ZMAT5: variants seen among roughly 807,000 people sequenced by gnomAD.
The protein encoded by ZMAT5 is zinc finger matrin-type protein 5.
Under a neutral mutation model 28.0 loss-of-function variants are expected in ZMAT5, and 23 were observed. The observed-to-expected ratio is 0.82, with a 90% CI of 0.59 to 1.16. ZMAT5 has a LOEUF of 1.16. ZMAT5 is among the 50% of genes most tolerant of loss of function. The probability of loss-of-function intolerance (pLI) is 0.00; values close to 1 mark genes in which losing one functional copy is unlikely to be tolerated. For synonymous variants in ZMAT5, 76 were observed against 84.1 expected (o/e 0.90, Z 0.52); for missense variants, 173 against 212.7 (o/e 0.81, Z 1.16).
At chr22:29,735,533 G>A (rs966595838) in intron 5 of ZMAT5, among the ~76,000 whole-genome samples, 1 of 152,254 alleles carries the variant, frequency 6.6e-6, no homozygotes, top group Non-Finnish European at 1.5e-5. Flanking sequence ...CAGCCACACA[G>A]AGCCTTGGGC....
chr22:29,748,473 G>A lies in ZMAT5; in HGVS notation c.72C>T (p.His24=), dbSNP rs987954814. 3.1e-6 allele frequency: 5 copies of A among 1,614,154 alleles called. No homozygotes were observed. The African/African-American group carries it at 4.0e-5, about 13-fold the overall frequency. The change falls in exon 2 of 6, where the codon CAC becomes CAT. Residue 24 remains histidine, a synonymous_variant. Coordinates refer to ENST00000344318, the MANE Select transcript of ZMAT5 (RefSeq NM_001003692.2). ...CCTTGAGGTGCTGCAGCCCGTTCAG[G>A]TGCTTCTTGCGGTTGTGGAGGTTGT... ...FQDNLHNRKK[H]LNGLQHLKAK... is the part of the protein sequence containing the mutation.
At chr22:29,733,623 T>C (rs1377667414) in intron 5 of ZMAT5, among the ~76,000 whole-genome samples, 1 of 152,204 alleles carries the variant, frequency 6.6e-6, no homozygotes, top group Non-Finnish European at 1.5e-5. Context: ...GGCTCCGCAG[T>C]TGCTGGAAGG....
At chr22:29,734,959 G>A (rs985295568) in intron 5 of ZMAT5, among the ~76,000 whole-genome samples, 3 of 152,178 alleles carry the variant, frequency 2.0e-5, no homozygotes, top group African/African-American at 7.2e-5. Flanking sequence ...GGGAAGGTGG[G>A]AGACCAGGGA....
chr22:29,733,239 C>G (rs2147213415), intron 5 of ZMAT5, among the ~76,000 whole-genome samples: 1 of 152,364 alleles, frequency 6.6e-6, no homozygotes, highest in African/African-American at 2.4e-5. Context: ...AGGTGAGGCC[C>G]TGGCAGCTCC....
chr22:29,753,547 G>C (rs1312513891), intron 1 of ZMAT5, among the ~76,000 whole-genome samples: 1 of 151,380 alleles, frequency 6.6e-6, no homozygotes, highest in Non-Finnish European at 1.5e-5. Flanking sequence ...AAAATTGCCG[G>C]GTGTGGTGGC....
intron 3 of ZMAT5, among the ~76,000 whole-genome samples, chr22:29,742,065 ACT>A (rs1016239597): frequency 5.9e-5 from 9 of 152,232 alleles, no homozygotes; most frequent in African/African-American, 1.9e-4. Context: ...CAACCCTGTT[ACT>A]CTCTGAAGTT....
intron 2 of ZMAT5, among the ~76,000 whole-genome samples, chr22:29,745,923 G>A (rs903349277): frequency 7.2e-5 from 11 of 152,300 alleles, no homozygotes; most frequent in African/African-American, 1.9e-4. Context: ...CTTGGTCCTC[G>A]GTAGCTGGGG....
rs1179553495 is a variant in ZMAT5, at chr22:29,731,183, T to C, written c.*42A>G. 2 of 1,452,588 alleles carry C rather than the reference T, an allele frequency of 1.4e-6. No homozygotes were observed. Among genetic ancestry groups the C allele is most frequent in the Non-Finnish European group, 1.8e-6 (2 of 1,108,642 alleles). 90.0% of individuals were successfully genotyped at this position (1,452,588 alleles called of 1,614,324 possible). On this transcript the variant is annotated 3_prime_UTR_variant, in exon 6 of 6. Transcript: ENST00000344318. ...GGGCTTGGCTTCCTATTGTGACTGATGAGAAAAGTGACCACGTGGGGGTCA... is the reference window on the plus strand; with the variant it reads ...GGGCTTGGCTTCCTATTGTGACTGACGAGAAAAGTGACCACGTGGGGGTCA...
intron 5 of ZMAT5, among the ~76,000 whole-genome samples, chr22:29,735,298 C>T (rs1013757246): frequency 1.3e-5 from 2 of 152,192 alleles, no homozygotes; most frequent in African/African-American, 4.8e-5. Flanking sequence ...GACAGGCCTG[C>T]TCTGCCTAGA....
At chr22:29,734,932 T>G (rs1320829579) in intron 5 of ZMAT5, among the ~76,000 whole-genome samples, 1 of 151,620 alleles carries the variant, frequency 6.6e-6, no homozygotes, top group Admixed American at 6.6e-5. Context: ...GTGTGGAGGA[T>G]CCCCCGCGGG....
At chr22:29,738,883 T>C (rs2067934058) in intron 4 of ZMAT5, among the ~76,000 whole-genome samples, 1 of 152,016 alleles carries the variant, frequency 6.6e-6, no homozygotes, top group Admixed American at 6.5e-5. Flanking sequence ...TGGTGGTGGG[T>C]GCCTGTAATC....
chr22:29,764,432 TG>T (rs1755106155), intron 1 of ZMAT5, among the ~76,000 whole-genome samples: 1 of 152,206 alleles, frequency 6.6e-6, no homozygotes, highest in South Asian at 2.1e-4. Flanking sequence ...TCTTTACAGA[TG>T]AATTAAAAGA....
At chr22:29,742,757 C>T (rs1050649753) in intron 2 of ZMAT5, among the ~76,000 whole-genome samples, 2 of 152,078 alleles carry the variant, frequency 1.3e-5, no homozygotes, top group South Asian at 2.1e-4. Flanking sequence ...CAACTTGGCA[C>T]GAGGGAGTCA....
At chr22:29,754,076 G>A (rs1162560989) in intron 1 of ZMAT5, among the ~76,000 whole-genome samples, 1 of 152,038 alleles carries the variant, frequency 6.6e-6, no homozygotes, top group Admixed American at 6.6e-5. Flanking sequence ...CTGCACCACC[G>A]TACTTGGCAG....
rs1257875200 is a variant in ZMAT5, at chr22:29,766,959, G to C, written c.-115C>G. 5.1e-5 allele frequency: 8 copies of C among 157,490 alleles called. No homozygotes were observed. In the South Asian group the frequency reaches 9.6e-4, roughly 19 times the overall value. The allele number at this position is 157,490 out of a possible 1,614,324, so 9.8% of individuals were successfully genotyped here. On this transcript the variant is annotated 5_prime_UTR_variant, in exon 1 of 6. Transcript: ENST00000344318. ...TCTCGCGGAAGGTACCTGGCTCCCC[G>C]GTGGCTGCAGCTCCGGGCTCCTCCT...
At chr22:29,762,423 G>A (rs1024058787) in intron 1 of ZMAT5, among the ~76,000 whole-genome samples, 61 of 152,364 alleles carry the variant, frequency 4.0e-4, no homozygotes, top group African/African-American at 1.4e-3. Flanking sequence ...TGGCAGGTGA[G>A]TAAGCGAAGC....
intron 1 of ZMAT5, 23 bp from the exon 2 acceptor site, chr22:29,748,594 G>A (rs1435990456): frequency 6.2e-7 from 1 of 1,611,740 alleles, no homozygotes; most frequent in Admixed American, 1.7e-5. Flanking sequence ...AAAGAGCTCA[G>A]ATTAGACCAT....
rs566698225 is a variant in ZMAT5 at position 29,764,088 on chromosome 22, G to A, written c.-28+2784C>T. On this transcript the variant is annotated intron_variant, in intron 1 of 5. Coordinates refer to ENST00000344318, the MANE Select transcript of ZMAT5 (RefSeq NM_001003692.2). ...AAGGAACTATGATTATTACAACCAG[G>A]AATTATGTGCCACTGTACTCCAGCC... Among the ~76,000 whole-genome samples, 7 of 151,724 alleles carry A rather than the reference G, an allele frequency of 4.6e-5. No homozygotes were observed. The South Asian group carries it at 1.3e-3, about 27-fold the overall frequency.
At chr22:29,766,351 C>T (rs1324481568) in intron 1 of ZMAT5, among the ~76,000 whole-genome samples, 2 of 152,184 alleles carry the variant, frequency 1.3e-5, no homozygotes, top group East Asian at 1.9e-4. Flanking sequence ...TGTCACCCCC[C>T]AGAGCAGCTA....
Sources: allele counts gnomAD v4.1 joint callset (sites outside exome capture counted in the v4.1 genomes callset), GRCh38; gene constraint gnomAD v4.1.1; transcripts MANE v1.5; gene names NCBI Gene and HGNC (gene_info 2026-07-23, HGNC 2026-07-21).